The following CDH18 variants were observed in gnomAD, a reference collection of about 807,000 sequenced individuals.
CDH18 encodes the protein cadherin-18.
CDH18 carries 31 observed loss-of-function variants against 67.9 expected under a neutral mutation model. The ratio of observed to expected loss-of-function variants is 0.46; its 90% CI spans 0.34 to 0.62. The LOEUF is 0.62. Ranked by LOEUF, CDH18 falls within the 20% of genes least tolerant of loss-of-function variation. CDH18 has a pLI of 0.01. For synonymous variants in CDH18, 362 were observed against 347.2 expected (o/e 1.04, Z -0.48); for missense variants, 890 against 975.5 (o/e 0.91, Z 1.17).
intron 1 of CDH18, among the ~76,000 whole-genome samples, chr5:20,431,334 T>C (rs1166679168): frequency 6.6e-6 from 1 of 151,658 alleles, no homozygotes; most frequent in Non-Finnish European, 1.5e-5. Flanking sequence ...CTACTAAAAT[T>C]ACAAAAACAT....
chr5:19,956,661 G>T (rs895441893), intron 2 of CDH18, among the ~76,000 whole-genome samples: 1 of 148,696 alleles, frequency 6.7e-6, no homozygotes, highest in South Asian at 2.1e-4. Context: ...TATCTAACAA[G>T]TCTCTTGTAA....
At position 20,333,406 on chromosome 5, in the gene CDH18, C is replaced by T. The variant is rs1739368699; in HGVS notation, c.-579-77901G>A. 2.0e-5 allele frequency among the ~76,000 whole-genome samples: 3 copies of T among 151,118 alleles called. No individual in the cohort carries two copies. In the South Asian group the frequency reaches 6.3e-4, roughly 31 times the overall value. ...CCTGTAATTCCAGCTACTTGGGAGG[C>T]TGAGGGAGGGGAATCGCTTGAACCC... is the stretch of plus-strand genomic sequence containing the variant. On this transcript the variant is annotated intron_variant, in intron 1 of 14. Transcript: ENST00000507958.
intron 1 of CDH18, among the ~76,000 whole-genome samples, chr5:20,332,923 A>G (rs1739313248): frequency 6.6e-6 from 1 of 152,092 alleles, no homozygotes; most frequent in African/African-American, 2.4e-5. Context: ...GATATTTTAA[A>G]CATGCTAGTT....
At chr5:19,634,763 C>G (rs2150195269) in intron 5 of CDH18, among the ~76,000 whole-genome samples, 1 of 151,842 alleles carries the variant, frequency 6.6e-6, no homozygotes, top group South Asian at 2.1e-4. Context: ...AATGGAGAAA[C>G]TCTGTCTCTA....
chr5:19,568,444 A>G (rs939779926), intron 8 of CDH18, among the ~76,000 whole-genome samples: 7 of 152,198 alleles, frequency 4.6e-5, no homozygotes, highest in African/African-American at 1.7e-4. Flanking sequence ...AGAAGAGAGC[A>G]CTTAGCACAA....
rs534852158 is a variant in CDH18, at chr5:19,674,372, A to G, written c.643+46975T>C. 5.3e-5 allele frequency among the ~76,000 whole-genome samples: 8 copies of G among 152,280 alleles called. No homozygotes were observed. The South Asian group carries it at 1.7e-3, about 32-fold the overall frequency. On this transcript the variant is annotated intron_variant, in intron 5 of 12. Transcript: ENST00000382275. ...AGAGAAAACCTATTGGCATTTCTCCACAATTTATCTAAATGTTTAGCTTCT... is the reference window on the plus strand; with the variant it reads ...AGAGAAAACCTATTGGCATTTCTCCGCAATTTATCTAAATGTTTAGCTTCT...
rs763332352 is a variant in CDH18, at chr5:20,359,400, A to G, written c.-579-103895T>C. ...AGAATTTCATTTTTTATGGAATATA[A>G]AGCATTCAGAAGCTTTATTTTTACA... is the stretch of plus-strand genomic sequence containing the variant. On this transcript the variant is annotated intron_variant, in intron 1 of 14. Transcript: ENST00000507958. 5.9e-5 allele frequency among the ~76,000 whole-genome samples: 9 copies of G among 152,210 alleles called. No individual in the cohort carries two copies. In the South Asian group the frequency reaches 1.0e-3, roughly 18 times the overall value.
At chr5:19,608,027 A>T (rs546339967) in intron 6 of CDH18, among the ~76,000 whole-genome samples, 223 of 151,826 alleles carry the variant, frequency 1.5e-3, no homozygotes, top group African/African-American at 5.1e-3. Context: ...TAAACAGAGG[A>T]AAAAAGAGAA....
intron 2 of CDH18, among the ~76,000 whole-genome samples, chr5:19,979,466 T>C (rs1798824692): frequency 6.6e-6 from 1 of 152,124 alleles, no homozygotes; most frequent in Non-Finnish European, 1.5e-5. Context: ...CACTAGGAAA[T>C]GGCAAGGTAA....
chr5:20,065,045 C>T (rs1387373077), intron 2 of CDH18, among the ~76,000 whole-genome samples: 1 of 151,920 alleles, frequency 6.6e-6, no homozygotes, highest in South Asian at 2.1e-4. Context: ...TCCCAGCTAC[C>T]CCTACGATGC....
chr5:19,990,876 T>C (rs560486909), upstream of CDH18, among the ~76,000 whole-genome samples: 1 of 152,320 alleles, frequency 6.6e-6, no homozygotes, highest in African/African-American at 2.4e-5. Flanking sequence ...TTGTTTTCTC[T>C]TTATGTCTAA....
intron 9 of CDH18, among the ~76,000 whole-genome samples, chr5:19,531,321 C>G (rs967292911): frequency 6.6e-6 from 1 of 151,752 alleles, no homozygotes; most frequent in Admixed American, 6.6e-5. Flanking sequence ...AGAAAATCCA[C>G]CAAAGAAGAA....
rs942233518 is a variant in CDH18, at chr5:19,836,865, T to C, written c.228+1894A>G. ...TTTGTATAAGGTGTAAGGTGATTCC[T>C]AAAGGATCAGAAATACCATTTGACC... On this transcript the variant is annotated intron_variant, in intron 3 of 12. Transcript: ENST00000382275. 6.6e-5 allele frequency among the ~76,000 whole-genome samples: 10 copies of C among 152,078 alleles called. No homozygotes were observed. The East Asian group carries it at 1.9e-3, about 30-fold the overall frequency.
At chr5:20,522,087 T>A (rs1755776372) in intron 1 of CDH18, among the ~76,000 whole-genome samples, 1 of 152,058 alleles carries the variant, frequency 6.6e-6, no homozygotes, top group Non-Finnish European at 1.5e-5. Flanking sequence ...AAGAGAAAAT[T>A]TGGCCATACA....
intron 1 of CDH18, among the ~76,000 whole-genome samples, chr5:20,312,652 A>G (rs1737099629): frequency 6.6e-6 from 1 of 152,156 alleles, no homozygotes; most frequent in Admixed American, 6.6e-5. Context: ...TGCCATGTCA[A>G]AGCCAAAGTC....
At chr5:19,614,363 T>C (rs1240144747) in intron 5 of CDH18, among the ~76,000 whole-genome samples, 1 of 151,082 alleles carries the variant, frequency 6.6e-6, no homozygotes, top group Non-Finnish European at 1.5e-5. Flanking sequence ...ATGAAAATTA[T>C]TCTTATCAAA....
At chr5:20,173,890 T>C (rs1737034539) in intron 2 of CDH18, among the ~76,000 whole-genome samples, 1 of 152,128 alleles carries the variant, frequency 6.6e-6, no homozygotes, top group Admixed American at 6.6e-5. Context: ...TTAATCTATG[T>C]AGTAGTGGGC....
intron 1 of CDH18, among the ~76,000 whole-genome samples, chr5:20,572,261 C>T (rs73053463): frequency 0.015 from 2,233 of 151,688 alleles, 57 homozygotes; most frequent in African/African-American, 0.051. Flanking sequence ...TAGCTGCCTG[C>T]TGATCTTGTC....
In CDH18 at chr5:20,025,468, G is replaced by A. The variant is rs115427870; in HGVS notation, c.-517-33454C>T. 3.0e-3 allele frequency among the ~76,000 whole-genome samples: 462 copies of A among 151,776 alleles called. 3 individuals are homozygous for A. Among genetic ancestry groups the A allele is most frequent in the African/African-American group, 0.01 (430 of 41,348 alleles). On this transcript the variant is annotated intron_variant, in intron 2 of 14. Transcript: ENST00000507958. ...TTCTACTGTTTTTTTATACTCAATT[G>A]GTCACATTTCCATCTAGGAAATATT...
Sources: allele counts gnomAD v4.1 joint callset (sites outside exome capture counted in the v4.1 genomes callset), GRCh38; gene constraint gnomAD v4.1.1; transcripts MANE v1.5; gene names NCBI Gene and HGNC (gene_info 2026-07-23, HGNC 2026-07-21).